The following NTN1 variants were observed in gnomAD, a reference collection of about 807,000 sequenced individuals.
NTN1 encodes the protein netrin 1.
NTN1 carries 11 observed loss-of-function variants against 54.2 expected under a neutral mutation model. The ratio of observed to expected loss-of-function variants is 0.20; its 90% CI spans 0.13 to 0.34. NTN1 has a LOEUF of 0.34. NTN1 is among the 10% of genes least tolerant of loss of function. The pLI, the probability that NTN1 is intolerant of heterozygous loss-of-function variation, is 1.00. For missense variants in NTN1, 740 were observed against 893.1 expected (o/e 0.83, Z 2.18); for synonymous variants, 371 against 382.0 (o/e 0.97, Z 0.33).
In NTN1 at chr17:9,241,833, C is replaced by G. The variant is rs1488984418; in HGVS notation, c.*1865C>G. On this transcript the variant is annotated 3_prime_UTR_variant, in exon 7 of 7. Coordinates refer to ENST00000173229, the MANE Select transcript of NTN1 (RefSeq NM_004822.3). Reference sequence around the variant, plus strand: ...GCAAATTGGTGGCAGGACTGGGGCTCAAACTCCAGAGCCCGACTTTCTGAC... The same window carrying G: ...GCAAATTGGTGGCAGGACTGGGGCTGAAACTCCAGAGCCCGACTTTCTGAC... The G allele has an allele frequency of 6.6e-6, 1 of 152,262 alleles. No homozygotes were observed. Among genetic ancestry groups the G allele is most frequent in the East Asian group, 1.9e-4 (1 of 5,198 alleles). The allele number at this position is 152,262 out of a possible 1,614,324, so 9.4% of individuals were successfully genotyped here.
At chr17:9,214,907 A>AT (rs2142349853) in intron 5 of NTN1, among the ~76,000 whole-genome samples, 1 of 152,266 alleles carries the variant, frequency 6.6e-6, no homozygotes, top group East Asian at 1.9e-4. Flanking sequence ...AGTTGGATCC[A>AT]TTTACCTTCA....
intron 3 of NTN1, 90 bp downstream of exon 3, chr17:9,163,091 C>T (rs1213573956): frequency 4.6e-5 from 62 of 1,338,890 alleles, no homozygotes; most frequent in Non-Finnish European, 5.9e-5. Context: ...CTATTTTCTT[C>T]CAGTCTGTAC....
At chr17:9,202,056 A>ACACACACACACAC (rs553874657) in intron 5 of NTN1, among the ~76,000 whole-genome samples, 21 of 14,290 alleles carry the variant, frequency 1.5e-3, no homozygotes, top group South Asian at 9.3e-3. Flanking sequence ...ACACACACAC[A>ACACACACACACAC]AAAAAAAAAA....
At position 9,074,334 on chromosome 17, in the gene NTN1, G is replaced by GTCA. The variant is rs1404870439; in HGVS notation, c.1018+50943_1018+50944insTCA. On this transcript the variant is annotated intron_variant, in intron 2 of 6. Coordinates refer to ENST00000173229, the MANE Select transcript of NTN1 (RefSeq NM_004822.3). ...ACTCATTCTCATCAAGGGTCACTGA[G>GTCA]CGTCTCTCTGCGCGTGGCCTTGGGC... 2.6e-4 allele frequency among the ~76,000 whole-genome samples: 40 copies of GTCA among 152,230 alleles called. 1 individual carries two copies. The highest frequency in any genetic ancestry group is 2.5e-3 in the Admixed American group (38 of 15,280).
chr17:9,193,900 G>A lies in NTN1; in HGVS notation c.1411+10931G>A, dbSNP rs558578920. Among the ~76,000 whole-genome samples, 263 of 99,032 alleles carry A rather than the reference G, an allele frequency of 2.7e-3. 1 individual carries two copies. Among genetic ancestry groups the A allele is most frequent in the Middle Eastern group, 9.8e-3 (1 of 102 alleles). 65.0% of individuals were successfully genotyped at this position (99,032 alleles called of 152,430 possible). ...GGTGCCATTGTACTCCAGCCTGGGCGACAAGAGTGAAACTCCGACTAAAAA... is the reference window on the plus strand; with the variant it reads ...GGTGCCATTGTACTCCAGCCTGGGCAACAAGAGTGAAACTCCGACTAAAAA... On this transcript the variant is annotated intron_variant, in intron 5 of 6. Transcript: ENST00000173229.
In NTN1 at chr17:9,035,198, A is replaced by G. The variant is rs1375548086; in HGVS notation, c.1018+11807A>G. On this transcript the variant is annotated intron_variant, in intron 2 of 6. Coordinates refer to ENST00000173229, the MANE Select transcript of NTN1 (RefSeq NM_004822.3). ...CCTGACCTTGTGATCCGCCCGCCTC[A>G]GCCTCCCAAAGTGCTGGGATTACAG... Among the ~76,000 whole-genome samples the G allele has an allele frequency of 3.3e-5, 5 of 152,244 alleles. No individual in the cohort carries two copies. In the South Asian group the frequency reaches 1.0e-3, roughly 32 times the overall value.
At chr17:9,120,865 T>C (rs2142261337) in intron 2 of NTN1, among the ~76,000 whole-genome samples, 1 of 152,378 alleles carries the variant, frequency 6.6e-6, no homozygotes, top group East Asian at 1.9e-4. Context: ...CCTTTCCATT[T>C]TCTTTTTGCT....
the NTN1 span, among the ~76,000 whole-genome samples, chr17:9,003,871 C>T: frequency 6.6e-6 from 1 of 152,138 alleles, no homozygotes; most frequent in East Asian, 1.9e-4. The surrounding 1 kb of genome is among the most constrained non-coding windows in gnomAD (Gnocchi z 7.4). Flanking sequence ...CTGTCACTCC[C>T]AGAATAAATC....
At chr17:9,120,740 C>T (rs1298428351) in intron 2 of NTN1, among the ~76,000 whole-genome samples, 7 of 152,208 alleles carry the variant, frequency 4.6e-5, no homozygotes, top group African/African-American at 1.4e-4. Context: ...GTCCCCCCAG[C>T]CCCTTCCCAG....
intron 5 of NTN1, among the ~76,000 whole-genome samples, chr17:9,193,628 T>G: frequency 6.6e-6 from 1 of 152,158 alleles, no homozygotes; most frequent in South Asian, 2.1e-4. Context: ...GTTTAATTAT[T>G]AAAACATTAT....
intron 2 of NTN1, among the ~76,000 whole-genome samples, chr17:9,057,542 T>G (rs1470872705): frequency 2.0e-5 from 3 of 152,182 alleles, no homozygotes; most frequent in African/African-American, 4.8e-5. Flanking sequence ...CACTCCTTCA[T>G]CTCCCCGTTT....
chr17:9,100,814 C>T (rs555089236), intron 2 of NTN1, among the ~76,000 whole-genome samples: 1 of 152,146 alleles, frequency 6.6e-6, no homozygotes, highest in South Asian at 2.1e-4. Context: ...TTATGTCATC[C>T]TGTCAGTTAG....
At chr17:9,079,396 G>A (rs2092062852) in intron 2 of NTN1, among the ~76,000 whole-genome samples, 1 of 152,178 alleles carries the variant, frequency 6.6e-6, no homozygotes, top group South Asian at 2.1e-4. Flanking sequence ...CTGTACAATG[G>A]GATAGGCTGG....
chr17:9,108,950 C>T (rs2092179411), intron 2 of NTN1, among the ~76,000 whole-genome samples: 1 of 150,814 alleles, frequency 6.6e-6, no homozygotes. Flanking sequence ...GATCTCGGCT[C>T]ACTGCAACCT....
chr17:9,219,839 G>A lies in NTN1; in HGVS notation c.1412-1329G>A, dbSNP rs924212059. ...GGAGCAGCCGCCCGTGTGTGTGCAC[G>A]TGTGTGTGCACGTGTGTGTTGAATC... On this transcript the variant is annotated intron_variant, in intron 5 of 6. Coordinates refer to ENST00000173229, the MANE Select transcript of NTN1 (RefSeq NM_004822.3). The surrounding 1 kb of genome is among the most constrained non-coding windows in gnomAD (Gnocchi z 4.5). Among the ~76,000 whole-genome samples, 10 of 152,310 alleles carry A rather than the reference G, an allele frequency of 6.6e-5. No individual in the cohort carries two copies. Among genetic ancestry groups the A allele is most frequent in the East Asian group, 1.9e-4 (1 of 5,176 alleles).
At position 9,242,540 on chromosome 17, in the gene NTN1, A is replaced by G. The variant is rs1029774542; in HGVS notation, c.*2572A>G. On this transcript the variant is annotated 3_prime_UTR_variant, in exon 7 of 7. Transcript: ENST00000173229. ...TGCATTTGTGGTGGTCTCTGAGGCC[A>G]CCTCAGCAACGGAGCTGGCGACACG... 6.6e-6 allele frequency: 1 copy of G among 152,248 alleles called. No individual in the cohort carries two copies. Among genetic ancestry groups the G allele is most frequent in the African/African-American group, 2.4e-5 (1 of 41,448 alleles). 9.4% of individuals were successfully genotyped at this position (152,248 alleles called of 1,614,324 possible). A position where few individuals can be genotyped will look rare whatever the true frequency, so the allele number is the denominator to read the frequency against.
chr17:9,067,078 C>T (rs62069327), intron 2 of NTN1, among the ~76,000 whole-genome samples: 1 of 150,560 alleles, frequency 6.6e-6, no homozygotes, highest in Non-Finnish European at 1.5e-5. Flanking sequence ...TGAGGCTGGG[C>T]CAACATGGCA....
At chr17:9,104,737 T>G (rs2092160574) in intron 2 of NTN1, among the ~76,000 whole-genome samples, 1 of 152,172 alleles carries the variant, frequency 6.6e-6, no homozygotes, top group Non-Finnish European at 1.5e-5. Context: ...TTTTTGAACT[T>G]GCACAGCTTT....
At chr17:9,228,875 T>A (rs1190734010) in intron 6 of NTN1, among the ~76,000 whole-genome samples, 3 of 142,154 alleles carry the variant, frequency 2.1e-5, no homozygotes, top group African/African-American at 2.7e-5. Flanking sequence ...AGTGTGTCTG[T>A]GTGTGACTAC....
Sources: gnomAD v4.1 joint callset for allele counts (sites outside exome capture counted in the v4.1 genomes callset) on GRCh38, gnomAD v4.1.1 for gene constraint, Gnocchi (gnomAD v3.1) non-coding constraint, MANE v1.5 for transcripts, NCBI Gene and HGNC (gene_info 2026-07-23, HGNC 2026-07-21) for gene names.